The following SYT9 variants were observed in gnomAD, a reference collection of about 807,000 sequenced individuals.
SYT9 encodes synaptotagmin-9.
Under a neutral mutation model 48.4 loss-of-function variants are expected in SYT9, and 22 were observed. That is an observed-to-expected ratio of 0.45 (90% CI 0.32 to 0.65). The LOEUF is 0.65. SYT9 is among the 30% of genes least tolerant of loss of function. The pLI is 0.03. For synonymous variants in SYT9, 265 were observed against 245.0 expected (o/e 1.08, Z -0.76); for missense variants, 577 against 622.0 (o/e 0.93, Z 0.77).
Position 7,313,799 on chromosome 11 carries a change from G to A in SYT9, c.902G>A (p.Arg301Gln), listed in dbSNP as rs746820472. 23 of 1,614,182 alleles carry A rather than the reference G, an allele frequency of 1.4e-5. No individual in the cohort carries two copies. The highest frequency in any genetic ancestry group is 1.3e-4 in the South Asian group (12 of 91,074). Reference protein sequence around the residue: ...FPVPYNDLEARKLHFSVYDFD... With the variant: ...FPVPYNDLEAQKLHFSVYDFD... ...GTTCCCTACAATGACCTTGAAGCAC[G>A]GAAGCTTCACTTCTCTGTGTACGAC... The change falls in exon 3 of 7, where the codon CGG (arginine) becomes CAG (glutamine). Residue 301 changes from arginine (R) to glutamine (Q), a missense_variant. By Grantham distance (43) the Arg-to-Gln change is conservative (BLOSUM62 1). Coordinates refer to ENST00000318881, the MANE Select transcript of SYT9 (RefSeq NM_175733.4).
intron 3 of SYT9, among the ~76,000 whole-genome samples, chr11:7,335,234 C>T (rs1376005793): frequency 1.3e-5 from 2 of 151,712 alleles, no homozygotes; most frequent in Non-Finnish European, 2.9e-5. Context: ...TGAAATTGAG[C>T]ATCATTTCAT....
chr11:7,313,434 G>A lies in SYT9; in HGVS notation c.537G>A (p.Pro179=), dbSNP rs370983232. 28 of 1,613,266 alleles carry A rather than the reference G, an allele frequency of 1.7e-5. No individual in the cohort carries two copies. The highest frequency in any genetic ancestry group is 6.6e-5 in the South Asian group (6 of 90,848). The part of the protein sequence containing the change: ...SIRRQLNLSN[P]DFNIQQLQKQ... ...GAAGACAACTCAACTTGTCAAACCC[G>A]GACTTCAATATCCAGCAGCTTCAAA... The change falls in exon 3 of 7, where the codon CCG becomes CCA. Residue 179 remains proline (P), a synonymous_variant. Transcript: ENST00000318881.
At chr11:7,341,318 C>T (rs571579803) in intron 3 of SYT9, among the ~76,000 whole-genome samples, 84 of 152,264 alleles carry the variant, frequency 5.5e-4, no homozygotes, top group African/African-American at 2.0e-3. Context: ...TTGGCTGTGT[C>T]CCCACCTAAA....
chr11:7,408,846 G>T (rs776938873), intron 3 of SYT9, among the ~76,000 whole-genome samples: 1 of 151,952 alleles, frequency 6.6e-6, no homozygotes, highest in South Asian at 2.1e-4. Flanking sequence ...TTTCCTCAGA[G>T]ATCCTTGTTC....
At chr11:7,264,344 G>C (rs545674735) in intron 1 of SYT9, among the ~76,000 whole-genome samples, 1 of 152,090 alleles carries the variant, frequency 6.6e-6, no homozygotes, top group Non-Finnish European at 1.5e-5. Context: ...CATCAGCATA[G>C]GTGTGTGTGT....
intron 3 of SYT9, among the ~76,000 whole-genome samples, chr11:7,341,080 C>T (rs1054337361): frequency 2.6e-5 from 4 of 152,170 alleles, no homozygotes; most frequent in Non-Finnish European, 5.9e-5. Context: ...TGGAAAACAC[C>T]AGCAGAGGTG....
chr11:7,339,371 T>C (rs1269128748), intron 3 of SYT9, among the ~76,000 whole-genome samples: 2 of 152,172 alleles, frequency 1.3e-5, no homozygotes, highest in African/African-American at 4.8e-5. Context: ...AATATTGATA[T>C]ATGTGCATTT....
chr11:7,299,221 C>T (rs563933380), intron 1 of SYT9, among the ~76,000 whole-genome samples: 13 of 152,264 alleles, frequency 8.5e-5, no homozygotes, highest in African/African-American at 2.9e-4. Context: ...TGATTCTAAG[C>T]TGATGCTCCC....
chr11:7,379,278 T>A (rs1376209146), intron 3 of SYT9, among the ~76,000 whole-genome samples: 1 of 152,150 alleles, frequency 6.6e-6, no homozygotes, highest in Non-Finnish European at 1.5e-5. Flanking sequence ...TAAGAAAGCA[T>A]GTTAGAAAAA....
At chr11:7,279,048 C>T (rs1337068014) in intron 1 of SYT9, among the ~76,000 whole-genome samples, 3 of 152,148 alleles carry the variant, frequency 2.0e-5, no homozygotes, top group Non-Finnish European at 1.5e-5. Context: ...GTAATGATAA[C>T]AGATGCCAGA....
At chr11:7,426,925 T>G (rs1295207549) in intron 6 of SYT9, among the ~76,000 whole-genome samples, 5 of 152,226 alleles carry the variant, frequency 3.3e-5, no homozygotes. Flanking sequence ...ACATGTAACA[T>G]GAAATAAGAT....
chr11:7,300,273 A>T (rs921735592), intron 1 of SYT9, among the ~76,000 whole-genome samples: 1 of 152,194 alleles, frequency 6.6e-6, no homozygotes, highest in Non-Finnish European at 1.5e-5. Context: ...ACTTTGGGCT[A>T]ATGCCACAAG....
At chr11:7,355,326 A>C (rs1431523794) in intron 3 of SYT9, among the ~76,000 whole-genome samples, 1 of 152,076 alleles carries the variant, frequency 6.6e-6, no homozygotes, top group Admixed American at 6.5e-5. Context: ...TTTACCCCCT[A>C]GCCTTACCTT....
intron 1 of SYT9, among the ~76,000 whole-genome samples, chr11:7,282,325 T>C (rs566683467): frequency 6.6e-6 from 1 of 152,352 alleles, no homozygotes; most frequent in Non-Finnish European, 1.5e-5. Context: ...AGAACATTTA[T>C]GTTATTTTTC....
chr11:7,289,191 T>C (rs1025039999), intron 1 of SYT9, among the ~76,000 whole-genome samples: 4 of 152,232 alleles, frequency 2.6e-5, no homozygotes, highest in Non-Finnish European at 5.9e-5. Flanking sequence ...GCCTGAGCGC[T>C]CTGGCTCCTG....
intron 1 of SYT9, among the ~76,000 whole-genome samples, chr11:7,266,965 T>C (rs1363291191): frequency 6.6e-6 from 1 of 152,106 alleles, no homozygotes; most frequent in Admixed American, 6.6e-5. Flanking sequence ...AAAACATTTG[T>C]CTACTGATTT....
intron 1 of SYT9, among the ~76,000 whole-genome samples, chr11:7,281,807 C>T (rs1432756480): frequency 6.6e-6 from 1 of 152,136 alleles, no homozygotes; most frequent in Non-Finnish European, 1.5e-5. Context: ...ACTTCTAGTG[C>T]ACAATTATTT....
intron 1 of SYT9, among the ~76,000 whole-genome samples, chr11:7,292,116 C>T (rs1364406263): frequency 6.6e-6 from 1 of 152,206 alleles, no homozygotes; most frequent in East Asian, 1.9e-4. Flanking sequence ...TGGGAAGAAA[C>T]TTTCCCACAT....
At chr11:7,441,407 G>C (rs772474912) in intron 6 of SYT9, 3 of 152,180 alleles carry the variant, frequency 2.0e-5, no homozygotes, top group Non-Finnish European at 4.4e-5. Flanking sequence ...CAGTTGCTTT[G>C]CTACAAGTAT....
Sources: gnomAD v4.1 joint callset for allele counts (sites outside exome capture counted in the v4.1 genomes callset) on GRCh38, gnomAD v4.1.1 for gene constraint, MANE v1.5 for transcripts, NCBI Gene and HGNC (gene_info 2026-07-23, HGNC 2026-07-21) for gene names.